MOCOS: variants seen among roughly 807,000 people sequenced by gnomAD.
MOCOS encodes human molybdenum cofactor sulfurase.
In MOCOS, 86 loss-of-function variants were observed where a neutral mutation model predicts 83.6. The observed-to-expected ratio is 1.03, with a 90% CI of 0.86 to 1.23. The LOEUF (loss-of-function observed/expected upper bound fraction) is 1.23. MOCOS is among the 50% of genes most tolerant of loss of function. The probability of loss-of-function intolerance (pLI) is 0.00; values close to 1 mark genes in which losing one functional copy is unlikely to be tolerated. For missense variants in MOCOS, 1,120 were observed against 1,126.9 expected (o/e 0.99, Z 0.09); for synonymous variants, 445 against 434.7 (o/e 1.02, Z -0.29).
chr18:36,255,813 G>T (rs1246172689), intron 11 of MOCOS, among the ~76,000 whole-genome samples: 1 of 151,924 alleles, frequency 6.6e-6, no homozygotes, highest in Non-Finnish European at 1.5e-5. Context: ...GATGGGAACT[G>T]GGTGATAGGG....
Position 36,200,238 on chromosome 18 carries a change from G to T in MOCOS, c.855G>T (p.Leu285=), listed in dbSNP as rs1323879242. 4 of 1,614,074 alleles carry T rather than the reference G, an allele frequency of 2.5e-6. No homozygotes were observed. The highest frequency in any genetic ancestry group is 2.5e-6 in the Non-Finnish European group (3 of 1,180,044). ...TCCATAATCGTGCGGCTCCTCTACT[G>T]AGGAAGACCTACTTTGGAGGAGGGA... is the stretch of plus-strand genomic sequence containing the variant. ...LLVHNRAAPL[L]RKTYFGGGTA... is the part of the protein sequence containing the mutation. The change falls in exon 4 of 15, where the codon CTG becomes CTT. Residue 285 remains leucine, a synonymous_variant. Transcript: ENST00000261326.
chr18:36,226,487 T>A (rs1568058603), intron 9 of MOCOS, among the ~76,000 whole-genome samples: 1 of 151,688 alleles, frequency 6.6e-6, no homozygotes, highest in African/African-American at 2.4e-5. Flanking sequence ...TCTTTTTTTT[T>A]ATTCAGCCAC....
intron 9 of MOCOS, among the ~76,000 whole-genome samples, chr18:36,239,227 A>T (rs1169762346): frequency 2.6e-5 from 4 of 152,020 alleles, no homozygotes; most frequent in Admixed American, 2.6e-4. Context: ...TTCTTCCTAG[A>T]CTTGATGATC....
At chr18:36,199,544 C>T (rs747613518) in intron 3 of MOCOS, 139 bp from the exon 4 acceptor site, 18 of 1,332,174 alleles carry the variant, frequency 1.4e-5, no homozygotes, top group African/African-American at 2.9e-5. Context: ...CCATTGCCCT[C>T]GCCCTAATTT....
At chr18:36,210,305 G>A (rs554586630) in intron 6 of MOCOS, among the ~76,000 whole-genome samples, 52 of 152,052 alleles carry the variant, frequency 3.4e-4, no homozygotes, top group Admixed American at 5.9e-4. Context: ...GGAGATGTCG[G>A]TCCTCACTGG....
At chr18:36,219,715 C>CA (rs2091488799) in intron 8 of MOCOS, among the ~76,000 whole-genome samples, 4 of 151,958 alleles carry the variant, frequency 2.6e-5, no homozygotes, top group South Asian at 2.1e-4. Flanking sequence ...TAAAAAACAG[C>CA]AAAAAAAGAG....
chr18:36,244,927 T>C (rs938725057), intron 9 of MOCOS, among the ~76,000 whole-genome samples: 1 of 152,188 alleles, frequency 6.6e-6, no homozygotes, highest in African/African-American at 2.4e-5. Flanking sequence ...TTGTTTTGTC[T>C]GCTATAAGAA....
At chr18:36,204,806 A>G (rs920215094) in intron 5 of MOCOS, among the ~76,000 whole-genome samples, 1 of 151,850 alleles carries the variant, frequency 6.6e-6, no homozygotes, top group African/African-American at 2.4e-5. Context: ...AAGCCTGGGC[A>G]ACATGGTGAA....
intron 11 of MOCOS, 96 bp from the exon 12 acceptor site, chr18:36,256,872 A>T: frequency 9.3e-7 from 1 of 1,073,950 alleles, no homozygotes; most frequent in Non-Finnish European, 1.4e-6. Context: ...TTGTAGAAAT[A>T]GTCTCTACCT....
At chr18:36,219,405 G>A (rs900941981) in intron 8 of MOCOS, among the ~76,000 whole-genome samples, 51 of 152,174 alleles carry the variant, frequency 3.4e-4, no homozygotes, top group African/African-American at 1.2e-3. Flanking sequence ...AGGGGTGGGC[G>A]TGGTGGCTCA....
At chr18:36,229,099 A>C (rs576001472) in intron 9 of MOCOS, among the ~76,000 whole-genome samples, 11 of 152,294 alleles carry the variant, frequency 7.2e-5, no homozygotes, top group African/African-American at 2.4e-4. Flanking sequence ...TGAGTTACCC[A>C]CTACCAATAG....
chr18:36,239,233 T>C (rs1469564760), intron 9 of MOCOS, among the ~76,000 whole-genome samples: 1 of 152,204 alleles, frequency 6.6e-6, no homozygotes. Flanking sequence ...CTAGACTTGA[T>C]GATCGTTACA....
rs1471635425 is a variant in MOCOS at position 36,194,318 on chromosome 18, A to G, written c.143-939A>G. ...GCTGTGATAAAACAACCCATTCTAC[A>G]CAAAACAAAATATTTGATAAGTGAA... is the stretch of plus-strand genomic sequence containing the variant. On this transcript the variant is annotated intron_variant, in intron 1 of 14. Coordinates refer to ENST00000261326, the MANE Select transcript of MOCOS (RefSeq NM_017947.4). 2.0e-5 allele frequency among the ~76,000 whole-genome samples: 3 copies of G among 152,338 alleles called. 1 individual carries two copies. Among genetic ancestry groups the G allele is most frequent in the Non-Finnish European group, 4.4e-5 (3 of 68,042 alleles).
intron 9 of MOCOS, among the ~76,000 whole-genome samples, chr18:36,224,922 G>A (rs957396753): frequency 3.3e-5 from 5 of 152,124 alleles, no homozygotes; most frequent in African/African-American, 1.2e-4. Context: ...TTTGATTACT[G>A]ATTCAATCTT....
chr18:36,244,342 A>G (rs2091595187), intron 9 of MOCOS, among the ~76,000 whole-genome samples: 1 of 152,110 alleles, frequency 6.6e-6, no homozygotes, highest in African/African-American at 2.4e-5. Flanking sequence ...ATTCAGTTCA[A>G]AGAATTTTTT....
At chr18:36,255,825 G>A (rs1391620284) in intron 11 of MOCOS, among the ~76,000 whole-genome samples, 1 of 151,820 alleles carries the variant, frequency 6.6e-6, no homozygotes, top group Non-Finnish European at 1.5e-5. Flanking sequence ...GTGATAGGGT[G>A]CCAGCTATTC....
At chr18:36,251,395 A>C in intron 11 of MOCOS, 112 bp downstream of exon 11, 3 of 1,400,462 alleles carry the variant, frequency 2.1e-6, no homozygotes, top group Non-Finnish European at 3.0e-6. Flanking sequence ...TATGGAAAGC[A>C]GGGGTCATCA....
At position 36,260,168 on chromosome 18, in the gene MOCOS, G is replaced by C. The variant is rs768710712; in HGVS notation, c.2402G>C (p.Arg801Pro). Residue 801 changes from arginine (R) to proline (P), a missense_variant, in exon 13 of 15, where the codon CGT becomes CCT. By Grantham distance (103) the Arg-to-Pro change is moderately radical. Coordinates refer to ENST00000261326, the MANE Select transcript of MOCOS (RefSeq NM_017947.4). ...KWDEISIGSL[R>P]FQVLGPCHRC... The stretch of plus-strand genomic sequence containing the variant: ...GATGAGATTTCAATTGGCTCTTTGC[G>C]TTTCCAGGTAAGTTTGGGGAAGTTC... 6.2e-7 allele frequency: 1 copy of C among 1,614,110 alleles called. No homozygotes were observed. Among genetic ancestry groups the C allele is most frequent in the Admixed American group, 1.7e-5 (1 of 60,020 alleles).
rs1486353739 is a variant in MOCOS, at chr18:36,187,573, C to T, written c.34C>T (p.Leu12=). ...AGAAAESGRE[L]WTFAGSRDPS... ...CGCGGCGGCGGAGTCAGGGCGGGAG[C>T]TGTGGACCTTCGCGGGTTCCCGGGA... The change falls in exon 1 of 15, where the codon CTG becomes TTG. Residue 12 remains leucine, a synonymous_variant. Coordinates refer to ENST00000261326, the MANE Select transcript of MOCOS (RefSeq NM_017947.4). 2 of 1,246,404 alleles carry T rather than the reference C, an allele frequency of 1.6e-6. No homozygotes were observed. The highest frequency in any genetic ancestry group is 6.2e-5 in the East Asian group (2 of 32,270). 77.2% of individuals were successfully genotyped at this position (1,246,404 alleles called of 1,614,324 possible). A position where few individuals can be genotyped will look rare whatever the true frequency, so the allele number is the denominator to read the frequency against.
Sources: gnomAD v4.1 joint callset for allele counts (sites outside exome capture counted in the v4.1 genomes callset) on GRCh38, gnomAD v4.1.1 for gene constraint, MANE v1.5 for transcripts, NCBI Gene and HGNC (gene_info 2026-07-23, HGNC 2026-07-21) for gene names.